Variants in GSKIP observed in about 807,000 individuals in gnomAD.
The protein encoded by GSKIP is GSK3B interacting protein.
In GSKIP, 5 loss-of-function variants were observed where a neutral mutation model predicts 11.9. That is an observed-to-expected ratio of 0.42 (90% confidence interval 0.22 to 0.89). GSKIP has a LOEUF of 0.89. GSKIP is among the 40% of genes least tolerant of loss of function. The pLI, the probability that GSKIP is intolerant of heterozygous loss-of-function variation, is 0.29. For missense variants in GSKIP, 150 were observed against 166.6 expected (o/e 0.90, Z 0.55); for synonymous variants, 70 against 62.9 (o/e 1.11, Z -0.54).
At chr14:96,373,229 CAAAAAAAA>C (rs57931398) in intron 1 of GSKIP, among the ~76,000 whole-genome samples, 2 of 82,808 alleles carry the variant, frequency 2.4e-5, no homozygotes, top group Admixed American at 3.1e-4. Flanking sequence ...GACTCTGTCT[CAAAAAAAA>C]AAAAAAAAAA....
At chr14:96,373,594 T>G (rs1191513623) in intron 1 of GSKIP, among the ~76,000 whole-genome samples, 1 of 151,392 alleles carries the variant, frequency 6.6e-6, no homozygotes, top group Non-Finnish European at 1.5e-5. Context: ...ATTTCTGTTC[T>G]TCCATTAAAA....
At chr14:96,376,027 C>T (rs1170749741) in intron 1 of GSKIP, among the ~76,000 whole-genome samples, 3 of 152,146 alleles carry the variant, frequency 2.0e-5, no homozygotes, top group Non-Finnish European at 2.9e-5. Context: ...GGTGCTGCCA[C>T]GTTGCATTGG....
rs1443749047 is a variant in GSKIP at position 96,385,693 on chromosome 14, T to C, written c.*9T>C. On this transcript the variant is annotated 3_prime_UTR_variant, in exon 4 of 4. Transcript: ENST00000555181. Reference sequence around the variant, plus strand: ...GAGATGGACAGTCATGACTACACTTTTTCCTTTCAGAGGGGCTGGTGCTGG... The same window carrying C: ...GAGATGGACAGTCATGACTACACTTCTTCCTTTCAGAGGGGCTGGTGCTGG... 4 of 1,604,220 alleles carry C rather than the reference T, an allele frequency of 2.5e-6. No homozygotes were observed. Among genetic ancestry groups the C allele is most frequent in the Non-Finnish European group, 3.4e-6 (4 of 1,176,148 alleles).
chr14:96,375,275 CAAAG>C (rs1169330026), intron 1 of GSKIP, among the ~76,000 whole-genome samples: 1 of 151,950 alleles, frequency 6.6e-6, no homozygotes, highest in Non-Finnish European at 1.5e-5. Context: ...GGACTAAAAG[CAAAG>C]AAATAGCAAG....
At chr14:96,385,420 T>C in intron 3 of GSKIP, 103 bp from the exon 4 acceptor site, 1 of 869,124 alleles carries the variant, frequency 1.2e-6, no homozygotes. Context: ...GGAAAAGAAA[T>C]AATTTATTTT....
At chr14:96,374,625 C>T (rs968259693) in intron 1 of GSKIP, among the ~76,000 whole-genome samples, 2 of 152,048 alleles carry the variant, frequency 1.3e-5, no homozygotes, top group African/African-American at 4.8e-5. Flanking sequence ...CCTTAGACTC[C>T]CAAATAGCCG....
At chr14:96,382,960 C>A (rs1203620200) in intron 3 of GSKIP, among the ~76,000 whole-genome samples, 1 of 152,118 alleles carries the variant, frequency 6.6e-6, no homozygotes, top group African/African-American at 2.4e-5. Context: ...ACATTCCACC[C>A]CCAGATTTCC....
At chr14:96,384,091 G>T (rs569639843) in intron 3 of GSKIP, among the ~76,000 whole-genome samples, 19 of 152,258 alleles carry the variant, frequency 1.2e-4, no homozygotes, top group African/African-American at 4.6e-4. Flanking sequence ...ATGATTATAT[G>T]ACTGTATGAT....
chr14:96,384,013 C>A (rs988840849), intron 3 of GSKIP, among the ~76,000 whole-genome samples: 2 of 151,788 alleles, frequency 1.3e-5, no homozygotes, highest in Non-Finnish European at 2.9e-5. Context: ...TCCGTCTACC[C>A]CTGAGAGAGT....
At chr14:96,381,649 A>G (rs1214606812) in intron 2 of GSKIP, among the ~76,000 whole-genome samples, 1 of 152,236 alleles carries the variant, frequency 6.6e-6, no homozygotes, top group Non-Finnish European at 1.5e-5. Context: ...ACTATCCTTT[A>G]AACATCCAAA....
intron 2 of GSKIP, among the ~76,000 whole-genome samples, chr14:96,381,880 A>G (rs562832999): frequency 4.6e-5 from 7 of 152,320 alleles, no homozygotes; most frequent in African/African-American, 1.4e-4. Context: ...TGACTCAGCA[A>G]TTTCAGTCCT....
chr14:96,379,221 T>A (rs1412473625), intron 1 of GSKIP, among the ~76,000 whole-genome samples: 1 of 152,164 alleles, frequency 6.6e-6, no homozygotes, highest in Non-Finnish European at 1.5e-5. Flanking sequence ...GGAGAATCAC[T>A]TGAAGCCGGG....
At chr14:96,363,632 G>A (rs543907848) in intron 1 of GSKIP, 64 bp downstream of exon 1, 3 of 152,300 alleles carry the variant, frequency 2.0e-5, no homozygotes, top group Non-Finnish European at 4.4e-5. Context: ...GGGGCTCGGG[G>A]CGCCGGCGGG....
Position 96,365,944 on chromosome 14 carries a change from A to G in GSKIP, c.-103+2376A>G, listed in dbSNP as rs920770932. On this transcript the variant is annotated intron_variant, in intron 1 of 3. Transcript: ENST00000555181. ...GATCATGCTAACTGCTGTTAAGAAT[A>G]GTCTGGTGTGGAAGTGGGAGGGCCA... Among the ~76,000 whole-genome samples, 20 of 152,056 alleles carry G rather than the reference A, an allele frequency of 1.3e-4. 1 individual carries two copies. The highest frequency in any genetic ancestry group is 1.5e-5 in the Non-Finnish European group (1 of 67,948).
intron 3 of GSKIP, among the ~76,000 whole-genome samples, chr14:96,384,353 T>A (rs942856243): frequency 2.0e-5 from 3 of 151,864 alleles, no homozygotes; most frequent in Non-Finnish European, 2.9e-5. Flanking sequence ...TCTGAAGAGG[T>A]GTGATTCATT....
chr14:96,368,104 CAT>C (rs1888943767), intron 1 of GSKIP, among the ~76,000 whole-genome samples: 1 of 148,866 alleles, frequency 6.7e-6, no homozygotes. Flanking sequence ...TTTTACATTC[CAT>C]TTTTGAGTGT....
intron 1 of GSKIP, among the ~76,000 whole-genome samples, chr14:96,377,695 C>T (rs556089124): frequency 6.6e-6 from 1 of 152,308 alleles, no homozygotes; most frequent in African/African-American, 2.4e-5. Context: ...AACCTAGCTG[C>T]TCACTGCTCT....
intron 1 of GSKIP, among the ~76,000 whole-genome samples, chr14:96,378,703 C>A (rs1169932857): frequency 6.6e-6 from 1 of 152,232 alleles, no homozygotes; most frequent in African/African-American, 2.4e-5. Context: ...ATCATGATCA[C>A]CCGAGCTCCA....
intron 1 of GSKIP, among the ~76,000 whole-genome samples, chr14:96,373,087 A>G (rs899541159): frequency 3.3e-5 from 5 of 152,052 alleles, no homozygotes; most frequent in African/African-American, 1.2e-4. Context: ...AAGATTAGCC[A>G]GGCACGGTGG....
Sources: allele counts gnomAD v4.1 joint callset (sites outside exome capture counted in the v4.1 genomes callset), GRCh38; gene constraint gnomAD v4.1.1; transcripts MANE v1.5; gene names NCBI Gene and HGNC (gene_info 2026-07-23, HGNC 2026-07-21).